The following SPECC1 variants were observed in gnomAD, a reference collection of about 807,000 sequenced individuals.
The protein encoded by SPECC1 is sperm antigen with calponin homology and coiled-coil domains 1.
A neutral mutation model predicts 104.1 loss-of-function variants in SPECC1; 62 were observed. That is an observed-to-expected ratio of 0.60 (90% CI 0.49 to 0.74). The LOEUF (loss-of-function observed/expected upper bound fraction) is 0.74. Among genes scored for constraint, SPECC1 ranks in the 30% least tolerant of loss-of-function variants. The pLI is 0.00. For synonymous variants in SPECC1, 513 were observed against 501.6 expected, an observed-to-expected ratio of 1.02 and a Z score of -0.30; for missense variants, 1,306 against 1,310.5, an observed-to-expected ratio of 1.00 and a Z score of 0.05.
At chr17:20,017,350 A>G (rs1445890475) in intron 1 of SPECC1, 2 of 152,562 alleles carry the variant, frequency 1.3e-5, no homozygotes, top group Non-Finnish European at 1.5e-5. Flanking sequence ...CGCCCCCTTA[A>G]GAGCTGTAAC....
chr17:20,308,930 A>G (rs1161410041), intron 14 of SPECC1, among the ~76,000 whole-genome samples: 1 of 152,186 alleles, frequency 6.6e-6, no homozygotes, highest in Non-Finnish European at 1.5e-5. Context: ...TGTAATTAAT[A>G]TTTACTTCTG....
chr17:20,233,582 C>G (rs2038730116), intron 7 of SPECC1, among the ~76,000 whole-genome samples: 1 of 152,134 alleles, frequency 6.6e-6, no homozygotes. Flanking sequence ...CTATGTTGCC[C>G]AGGCTGGACT....
chr17:20,229,449 G>C (rs1369323708), intron 5 of SPECC1, among the ~76,000 whole-genome samples: 1 of 152,150 alleles, frequency 6.6e-6, no homozygotes, highest in Non-Finnish European at 1.5e-5. Context: ...AGGATCGATT[G>C]AGCCCAGGAG....
chr17:20,296,569 T>C (rs1443522922), intron 12 of SPECC1, among the ~76,000 whole-genome samples: 1 of 152,216 alleles, frequency 6.6e-6, no homozygotes, highest in Non-Finnish European at 1.5e-5. Flanking sequence ...AAGTCATTGG[T>C]AGCTTGATGG....
At chr17:20,111,448 A>G (rs977464011) in intron 3 of SPECC1, among the ~76,000 whole-genome samples, 6 of 152,254 alleles carry the variant, frequency 3.9e-5, no homozygotes, top group Non-Finnish European at 5.9e-5. Flanking sequence ...TGGTTTTTCT[A>G]TATAATGGCT....
At chr17:20,052,310 G>A (rs1183854549) in intron 1 of SPECC1, among the ~76,000 whole-genome samples, 1 of 152,150 alleles carries the variant, frequency 6.6e-6, no homozygotes, top group East Asian at 1.9e-4. Context: ...ATAGTTTAAT[G>A]TTCATCTACA....
intron 1 of SPECC1, among the ~76,000 whole-genome samples, chr17:20,071,925 T>G (rs1025807128): frequency 3.9e-5 from 6 of 152,222 alleles, no homozygotes; most frequent in African/African-American, 1.2e-4. Context: ...GGCTTAATAA[T>G]CTGAGACACT....
At chr17:20,128,271 A>G (rs1432758586) in intron 3 of SPECC1, among the ~76,000 whole-genome samples, 3 of 152,230 alleles carry the variant, frequency 2.0e-5, no homozygotes, top group Non-Finnish European at 2.9e-5. Flanking sequence ...CTCAGGGTAA[A>G]CATTTTGAAT....
intron 3 of SPECC1, among the ~76,000 whole-genome samples, chr17:20,200,509 T>C (rs1424260018): frequency 6.6e-6 from 1 of 152,144 alleles, no homozygotes; most frequent in Non-Finnish European, 1.5e-5. Context: ...GCACAAAAGA[T>C]CCAATGGTGC....
chr17:20,049,326 T>C (rs1297460085), intron 1 of SPECC1, among the ~76,000 whole-genome samples: 1 of 152,120 alleles, frequency 6.6e-6, no homozygotes, highest in Non-Finnish European at 1.5e-5. Flanking sequence ...AGGAGCCAGG[T>C]GCGGTGGGGC....
At position 20,080,493 on chromosome 17, in the gene SPECC1, C is replaced by G. The variant is rs966085914; in HGVS notation, c.-21-16138C>G. 2.8e-4 allele frequency among the ~76,000 whole-genome samples: 43 copies of G among 152,212 alleles called. 2 individuals are homozygous for G. Among genetic ancestry groups the G allele is most frequent in the Non-Finnish European group, 5.9e-5 (4 of 68,002 alleles). On this transcript the variant is annotated intron_variant, in intron 1 of 14. Coordinates refer to ENST00000395527, the MANE Select transcript of SPECC1 (RefSeq NM_001243439.2). ...TCTGGTTGCTACAGTAACGGGCCTCCTTATAACGAGAAGAGCCACAAGTGC... is the reference window on the plus strand; with the variant it reads ...TCTGGTTGCTACAGTAACGGGCCTCGTTATAACGAGAAGAGCCACAAGTGC...
intron 3 of SPECC1, among the ~76,000 whole-genome samples, chr17:20,166,202 A>G (rs1348776361): frequency 6.6e-6 from 1 of 152,264 alleles, no homozygotes; most frequent in Admixed American, 6.5e-5. Flanking sequence ...TCCACTCACT[A>G]AATAGCAAAA....
intron 5 of SPECC1, among the ~76,000 whole-genome samples, chr17:20,228,682 A>G (rs1240659285): frequency 6.6e-6 from 1 of 152,246 alleles, no homozygotes; most frequent in African/African-American, 2.4e-5. Flanking sequence ...TAGGATATCA[A>G]GTAACTTCTA....
At chr17:20,260,045 G>A in intron 11 of SPECC1, 147 bp from the exon 12 acceptor site, 3 of 513,430 alleles carry the variant, frequency 5.8e-6, no homozygotes, top group Non-Finnish European at 1.0e-5. Context: ...TCACAAAATA[G>A]TAATGTGACT....
chr17:20,191,248 G>A (rs1208074022), intron 3 of SPECC1, among the ~76,000 whole-genome samples: 8 of 152,188 alleles, frequency 5.3e-5, no homozygotes, highest in African/African-American at 1.4e-4. Flanking sequence ...ATACCAAGGA[G>A]TGCTATTGCT....
chr17:20,281,921 G>A (rs2040782850), intron 12 of SPECC1, among the ~76,000 whole-genome samples: 1 of 152,234 alleles, frequency 6.6e-6, no homozygotes, highest in South Asian at 2.1e-4. Flanking sequence ...GAGAAGACCT[G>A]TTCTCAGGAC....
chr17:20,036,794 T>G (rs1028981508), intron 1 of SPECC1, among the ~76,000 whole-genome samples: 2 of 152,196 alleles, frequency 1.3e-5, no homozygotes, highest in Non-Finnish European at 2.9e-5. Context: ...CTGCAGGTCT[T>G]TCATTTCCCT....
intron 3 of SPECC1, among the ~76,000 whole-genome samples, chr17:20,154,855 C>T (rs2032320279): frequency 6.6e-6 from 1 of 152,078 alleles, no homozygotes; most frequent in Admixed American, 6.6e-5. Context: ...GATACACATA[C>T]TGACAGGCGT....
intron 3 of SPECC1, among the ~76,000 whole-genome samples, chr17:20,201,766 G>A (rs553185203): frequency 1.2e-4 from 19 of 152,290 alleles, no homozygotes; most frequent in African/African-American, 4.1e-4. Context: ...GTAGTATGAT[G>A]CAGGTTAGGT....
Sources: gnomAD v4.1 joint callset for allele counts (sites outside exome capture counted in the v4.1 genomes callset) on GRCh38, gnomAD v4.1.1 for gene constraint, MANE v1.5 for transcripts, NCBI Gene and HGNC (gene_info 2026-07-23, HGNC 2026-07-21) for gene names.